Variants in RHEB observed in about 807,000 individuals in gnomAD.
The protein encoded by RHEB is Ras homolog, mTORC1 binding, also known as GTP-binding protein Rheb.
RHEB carries 2 observed loss-of-function variants against 28.8 expected under a neutral mutation model. That is an observed-to-expected ratio of 0.07 (90% confidence interval 0.03 to 0.22). The LOEUF is 0.22. RHEB is among the 10% of genes least tolerant of loss of function. The pLI is 1.00. For missense variants in RHEB, 76 were observed against 219.9 expected (o/e 0.35, Z 4.14); for synonymous variants, 69 against 77.3 (o/e 0.89, Z 0.56).
In RHEB at chr7:151,502,187, G is replaced by T. The variant is rs189905651; in HGVS notation, c.53-11173C>A. On this transcript the variant is annotated intron_variant, in intron 1 of 7. Transcript: ENST00000262187. Reference sequence around the variant, plus strand: ...GGAGGCTTATGTGGCAGTGAGGCAAGATCACGCCACTGTACTCCAGCCTGG... The same window carrying T: ...GGAGGCTTATGTGGCAGTGAGGCAATATCACGCCACTGTACTCCAGCCTGG... The T allele has an allele frequency of 7.4e-3, 3,240 of 439,834 alleles. 24 individuals are homozygous for T. Among genetic ancestry groups the T allele is most frequent in the Non-Finnish European group, 9.9e-3 (2,466 of 248,560 alleles). 27.2% of individuals were successfully genotyped at this position (439,834 alleles called of 1,614,324 possible). A position where few individuals can be genotyped will look rare whatever the true frequency, so the allele number is the denominator to read the frequency against.
chr7:151,506,537 T>A (rs1802883471), intron 1 of RHEB, among the ~76,000 whole-genome samples: 1 of 152,236 alleles, frequency 6.6e-6, no homozygotes, highest in Non-Finnish European at 1.5e-5. Flanking sequence ...GCTCAGCAAA[T>A]CTCATTATTA....
intron 1 of RHEB, among the ~76,000 whole-genome samples, chr7:151,514,962 C>T (rs1207201518): frequency 6.6e-6 from 1 of 151,902 alleles, no homozygotes; most frequent in Non-Finnish European, 1.5e-5. Context: ...TCACTTGAGT[C>T]CAGGAGGTTG....
chr7:151,488,180 T>A (rs796692730), intron 2 of RHEB, among the ~76,000 whole-genome samples: 1 of 152,222 alleles, frequency 6.6e-6, no homozygotes, highest in Admixed American at 6.5e-5. Flanking sequence ...AGTTGTTAGA[T>A]TAACACTACA....
At chr7:151,492,114 C>T (rs1295084254) in intron 1 of RHEB, among the ~76,000 whole-genome samples, 2 of 152,204 alleles carry the variant, frequency 1.3e-5, no homozygotes, top group African/African-American at 4.8e-5. Flanking sequence ...CATTATTACA[C>T]ACATGCTGTA....
At chr7:151,511,335 C>T (rs1321975536) in intron 1 of RHEB, among the ~76,000 whole-genome samples, 2 of 152,162 alleles carry the variant, frequency 1.3e-5, no homozygotes, top group Non-Finnish European at 2.9e-5. Context: ...ATGAGGAGTC[C>T]TTCTGCAAAC....
chr7:151,505,383 T>C (rs1802852668), intron 1 of RHEB, among the ~76,000 whole-genome samples: 1 of 152,170 alleles, frequency 6.6e-6, no homozygotes, highest in African/African-American at 2.4e-5. Context: ...AACCAAGATA[T>C]CCAAATTTCC....
chr7:151,515,252 C>G (rs1394127235), intron 1 of RHEB, among the ~76,000 whole-genome samples: 1 of 152,086 alleles, frequency 6.6e-6, no homozygotes, highest in Non-Finnish European at 1.5e-5. Context: ...CAGAAGACCA[C>G]ATATGTATGT....
intron 1 of RHEB, among the ~76,000 whole-genome samples, chr7:151,491,389 G>A (rs1035921820): frequency 4.6e-5 from 7 of 152,082 alleles, no homozygotes; most frequent in African/African-American, 1.2e-4. Context: ...GATTAGTTTC[G>A]TTGTATTCAT....
At chr7:151,502,986 A>T in intron 1 of RHEB, 1 of 783,940 alleles carries the variant, frequency 1.3e-6, no homozygotes, top group South Asian at 1.3e-5. Flanking sequence ...GTCCTCTCCG[A>T]AGTGAAATTC....
intron 4 of RHEB, among the ~76,000 whole-genome samples, chr7:151,474,047 G>T (rs1584847980): frequency 6.6e-6 from 1 of 152,212 alleles, no homozygotes; most frequent in East Asian, 1.9e-4. Context: ...ACAGCAGTGG[G>T]TGAACTCATA....
rs1224290463 is a variant in RHEB at position 151,507,968 on chromosome 7, T to C, written c.52+11492A>G. ...GGCCATAAAACTGTTTCCCTGGAGA[T>C]TTTCAAAACAGGATATTCATCTCTA... is the stretch of plus-strand genomic sequence containing the variant. On this transcript the variant is annotated intron_variant, in intron 1 of 7. Coordinates refer to ENST00000262187, the MANE Select transcript of RHEB (RefSeq NM_005614.4). Among the ~76,000 whole-genome samples the C allele has an allele frequency of 2.6e-5, 4 of 151,972 alleles. No individual in the cohort carries two copies. The East Asian group carries it at 7.7e-4, about 29-fold the overall frequency.
intron 1 of RHEB, chr7:151,503,091 T>C (rs1563099668): frequency 1.2e-6 from 1 of 803,714 alleles, no homozygotes; most frequent in Non-Finnish European, 2.3e-6. Context: ...CTAAAGACTT[T>C]GGAAAAGGGA....
At chr7:151,474,240 A>G (rs1802226077) in intron 4 of RHEB, among the ~76,000 whole-genome samples, 2 of 151,424 alleles carry the variant, frequency 1.3e-5, no homozygotes, top group South Asian at 2.1e-4. Flanking sequence ...GTGCAATGGC[A>G]TGATTTCAGC....
chr7:151,484,638 G>C, intron 3 of RHEB, 99 bp downstream of exon 3: 1 of 847,386 alleles, frequency 1.2e-6, no homozygotes, highest in Non-Finnish European at 2.0e-6. Flanking sequence ...CACAACCTGA[G>C]GGGTTTTCTT....
chr7:151,486,499 C>G (rs758290417), intron 2 of RHEB, among the ~76,000 whole-genome samples: 5 of 152,138 alleles, frequency 3.3e-5, no homozygotes, highest in Non-Finnish European at 5.9e-5. Flanking sequence ...GTGGAACACC[C>G]AGGCAGAGGT....
chr7:151,503,297 A>G (rs1477514201), intron 1 of RHEB: 1 of 800,696 alleles, frequency 1.2e-6, no homozygotes, highest in South Asian at 1.3e-5. Context: ...GCTAACAACT[A>G]TAAAAAATTT....
intron 3 of RHEB, 144 bp from the exon 4 acceptor site, chr7:151,477,559 T>C: frequency 1.7e-6 from 1 of 574,444 alleles, no homozygotes; most frequent in Non-Finnish European, 3.0e-6. Flanking sequence ...GCCTACAAAG[T>C]GAAGCTTTAA....
intron 1 of RHEB, among the ~76,000 whole-genome samples, chr7:151,496,002 T>A (rs1802666029): frequency 6.6e-6 from 1 of 152,190 alleles, no homozygotes; most frequent in African/African-American, 2.4e-5. Context: ...TTCATTGGGA[T>A]ATGATGGGGA....
At chr7:151,491,842 T>C (rs1030382682) in intron 1 of RHEB, among the ~76,000 whole-genome samples, 7 of 152,192 alleles carry the variant, frequency 4.6e-5, no homozygotes. Context: ...GGCCTAGCAG[T>C]ATCTAGAAAT....
Sources: allele counts gnomAD v4.1 joint callset (sites outside exome capture counted in the v4.1 genomes callset), GRCh38; gene constraint gnomAD v4.1.1; transcripts MANE v1.5; gene names NCBI Gene and HGNC (gene_info 2026-07-23, HGNC 2026-07-21).